The following KRT26 variants were observed in gnomAD, a reference collection of about 807,000 sequenced individuals.
KRT26 encodes keratin, type I cytoskeletal 26.
In KRT26, 45 loss-of-function variants were observed where a neutral mutation model predicts 46.1. The ratio of observed to expected loss-of-function variants is 0.98; its 90% CI spans 0.77 to 1.25. The LOEUF (loss-of-function observed/expected upper bound fraction) is 1.25, where lower values mean the gene tolerates loss of function less well. Ranked by LOEUF, KRT26 falls within the 50% of genes most tolerant of loss-of-function variation. The pLI, the probability that KRT26 is intolerant of heterozygous loss-of-function variation, is 0.00. For synonymous variants in KRT26, 191 were observed against 209.9 expected (o/e 0.91, Z 0.78); for missense variants, 582 against 560.1 (o/e 1.04, Z -0.39).
chr17:40,771,404 G>A (rs370958070), intron 1 of KRT26, among the ~76,000 whole-genome samples, 168 bp from the exon 2 acceptor site: 13 of 152,328 alleles, frequency 8.5e-5, no homozygotes, highest in African/African-American at 3.1e-4. Flanking sequence ...CAGAGCTTAA[G>A]AGCCACATAG....
intron 6 of KRT26, among the ~76,000 whole-genome samples, chr17:40,768,490 T>C (rs972076007): frequency 6.6e-6 from 1 of 152,218 alleles, no homozygotes; most frequent in Admixed American, 6.5e-5. Context: ...TCTTCCTATA[T>C]CTTCATTGCT....
chr17:40,767,399 A>G (rs958433787), intron 7 of KRT26, among the ~76,000 whole-genome samples, 187 bp downstream of exon 7: 1 of 152,206 alleles, frequency 6.6e-6, no homozygotes, highest in Non-Finnish European at 1.5e-5. Flanking sequence ...TCATAATTTG[A>G]CCACATCTGT....
At chr17:40,768,187 T>C (rs1490946362) in intron 6 of KRT26, among the ~76,000 whole-genome samples, 1 of 152,218 alleles carries the variant, frequency 6.6e-6, no homozygotes, top group African/African-American at 2.4e-5. Context: ...GTGCAAGACG[T>C]TACCTCCTCA....
chr17:40,771,283 G>A, intron 1 of KRT26, 47 bp from the exon 2 acceptor site: 1 of 1,009,758 alleles, frequency 9.9e-7, no homozygotes, highest in South Asian at 1.4e-5. Context: ...AAAGTCAAAG[G>A]AGGCTCCAGA....
intron 1 of KRT26, 24 bp from the exon 2 acceptor site, chr17:40,771,260 A>C (rs1382912902): frequency 1.5e-6 from 2 of 1,359,332 alleles, no homozygotes; most frequent in African/African-American, 2.9e-5. Flanking sequence ...ATTGTGAAAA[A>C]TGTTAATTAC....
At chr17:40,766,515 T>A (rs1383735878) in exon 8 of KRT26, 2 of 1,584,214 alleles carry the variant, frequency 1.3e-6, no homozygotes, top group Middle Eastern at 1.7e-4. Flanking sequence ...TTTTTCCTCA[T>A]TATGGTGCTT....
exon 1 of KRT26, chr17:40,772,095 C>G (rs2038227618): frequency 6.2e-7 from 1 of 1,613,954 alleles, no homozygotes; most frequent in Non-Finnish European, 8.5e-7. Flanking sequence ...CTGGATCCAC[C>G]AGAAAGTCGA....
At chr17:40,766,587 G>A (rs2038174263) in exon 8 of KRT26, 2 of 1,613,150 alleles carry the variant, frequency 1.2e-6, no homozygotes, top group Admixed American at 1.7e-5. Context: ...CTTCAACTGA[G>A]TGGACTCTCA....
exon 5 of KRT26, chr17:40,769,801 G>A (rs1567673712): frequency 9.3e-6 from 15 of 1,614,036 alleles, no homozygotes; most frequent in East Asian, 2.2e-5. Flanking sequence ...TGCAGATTGC[G>A]TTTTAATTCG....
At chr17:40,769,480 C>T (rs75754829) in intron 5 of KRT26, among the ~76,000 whole-genome samples, 3,504 of 152,106 alleles carry the variant, frequency 0.023, 154 homozygotes, top group African/African-American at 0.079. Context: ...TTTAAATATT[C>T]TCAAGGTAGA....
At chr17:40,770,213 A>T in intron 3 of KRT26, 40 bp downstream of exon 3, 1 of 1,613,854 alleles carries the variant, frequency 6.2e-7, no homozygotes, top group Non-Finnish European at 8.5e-7. Context: ...TCAAGAAGGA[A>T]ATTAGAAACT....
chr17:40,766,752 T>C (rs2038175857), intron 7 of KRT26, 86 bp from the exon 8 acceptor site: 1 of 1,005,296 alleles, frequency 9.9e-7, no homozygotes, highest in African/African-American at 1.6e-5. Flanking sequence ...GTTTGTTTGT[T>C]TTTTTGAGAA....
chr17:40,768,029 A>G (rs1233275956), intron 6 of KRT26, among the ~76,000 whole-genome samples: 1 of 152,234 alleles, frequency 6.6e-6, no homozygotes, highest in African/African-American at 2.4e-5. Context: ...AATAAAGTAT[A>G]CACATGCAAA....
chr17:40,771,960 A>G lies in KRT26; in HGVS notation c.154T>C (p.Ser52Pro), dbSNP rs755676370. The change falls in exon 1 of 8, where the codon TCT (serine) becomes CCT (proline). Residue 52 changes from serine to proline, a missense_variant. Physicochemically the swap from Ser to Pro is moderately conservative, Grantham distance 74. Transcript: ENST00000335552. Reference sequence around the variant, plus strand: ...CCGCTATTGCAGAAGCTTCCTCCAGAAGAGATGCCCTCAAGAGTACAAGAA... The same window carrying G: ...CCGCTATTGCAGAAGCTTCCTCCAGGAGAGATGCCCTCAAGAGTACAAGAA... 3 of 1,614,194 alleles carry G rather than the reference A, an allele frequency of 1.9e-6. No individual in the cohort carries two copies. The South Asian group carries it at 3.3e-5, about 18-fold the overall frequency.
exon 8 of KRT26, chr17:40,766,444 A>C: frequency 3.0e-5 from 39 of 1,301,402 alleles, no homozygotes; most frequent in Non-Finnish European, 3.6e-5. Context: ...GATTTTTGCA[A>C]AGGCAGCCTT....
exon 1 of KRT26, chr17:40,772,142 C>T (rs1011143019): frequency 6.3e-7 from 1 of 1,599,828 alleles, no homozygotes; most frequent in Admixed American, 1.7e-5. Context: ...CAACCCCTTC[C>T]CAGAAAGAGG....
exon 8 of KRT26, chr17:40,766,398 G>T: frequency 1.2e-6 from 1 of 808,722 alleles, no homozygotes. Context: ...TTTAAGAACA[G>T]AAATGAATAA....
rs138881772 is a variant in KRT26, at chr17:40,766,863, C to T, written c.1256-197G>A. ...CAAGAGATTCTTCTGCCTCAGTCTC[C>T]CGAGTAGCTGGGATTACAGATGCCT... On this transcript the variant is annotated intron_variant, in intron 7 of 7. Coordinates refer to ENST00000335552, the Ensembl canonical transcript of KRT26. Among the ~76,000 whole-genome samples, 346 of 152,160 alleles carry T rather than the reference C, an allele frequency of 2.3e-3. 2 individuals are homozygous for T. The highest frequency in any genetic ancestry group is 8.1e-3 in the African/African-American group (338 of 41,502).
At chr17:40,769,574 G>A (rs1185438810) in intron 5 of KRT26, among the ~76,000 whole-genome samples, 180 bp downstream of exon 5, 2 of 152,066 alleles carry the variant, frequency 1.3e-5, no homozygotes, top group Non-Finnish European at 2.9e-5. Flanking sequence ...ATTGTAAAAA[G>A]GCATTTTTCA....
Sources: gnomAD v4.1 joint callset for allele counts (sites outside exome capture counted in the v4.1 genomes callset) on GRCh38, gnomAD v4.1.1 for gene constraint, MANE v1.5 for transcripts, NCBI Gene and HGNC (gene_info 2026-07-23, HGNC 2026-07-21) for gene names.